The following CDH13 variants were observed in gnomAD, a reference collection of about 807,000 sequenced individuals.
The protein encoded by CDH13 is cadherin-13.
A neutral mutation model predicts 63.8 loss-of-function variants in CDH13; 24 were observed. That is an observed-to-expected ratio of 0.38 (90% CI 0.27 to 0.53). The LOEUF (loss-of-function observed/expected upper bound fraction) is 0.53. CDH13 is among the 20% of genes least tolerant of loss of function. CDH13 has a pLI of 0.85. For synonymous variants in CDH13, 503 were observed against 355.3 expected, an observed-to-expected ratio of 1.42 and a Z score of -4.67; for missense variants, 1,049 against 903.1, an observed-to-expected ratio of 1.16 and a Z score of -2.07.
intron 2 of CDH13, chr16:82,954,114 A>C (rs575462123): frequency 1.3e-5 from 2 of 152,338 alleles, no homozygotes; most frequent in East Asian, 3.9e-4. Context: ...ACCAGGATGC[A>C]CTGAATGGTA....
chr16:82,820,001 C>A (rs2037925186), intron 1 of CDH13, among the ~76,000 whole-genome samples: 1 of 152,090 alleles, frequency 6.6e-6, no homozygotes, highest in African/African-American at 2.4e-5. Context: ...GAGACAGCGG[C>A]AGCAGTAGAG....
chr16:82,927,594 T>A (rs1349243949), intron 2 of CDH13, among the ~76,000 whole-genome samples: 2 of 152,232 alleles, frequency 1.3e-5, no homozygotes, highest in Non-Finnish European at 2.9e-5. Flanking sequence ...GCTTACATTT[T>A]ACTTTTCGGC....
chr16:83,519,441 C>A (rs763686862), intron 7 of CDH13, among the ~76,000 whole-genome samples: 1 of 152,192 alleles, frequency 6.6e-6, no homozygotes, highest in Non-Finnish European at 1.5e-5. Flanking sequence ...GAAACAAATA[C>A]TTCAATGAAA....
chr16:83,476,637 C>T lies in CDH13; in HGVS notation c.782-9840C>T, dbSNP rs149956612. On this transcript the variant is annotated intron_variant, in intron 6 of 13. Coordinates refer to ENST00000567109, the MANE Select transcript of CDH13 (RefSeq NM_001257.5). ...GCTGTGAGCCCAGATTACGCCACTGCACTCCAGCCTGCACTCCAGTGACAA... is the reference window on the plus strand; with the variant it reads ...GCTGTGAGCCCAGATTACGCCACTGTACTCCAGCCTGCACTCCAGTGACAA... Among the ~76,000 whole-genome samples, 677 of 152,234 alleles carry T rather than the reference C, an allele frequency of 4.4e-3. 5 individuals carry two copies. Among genetic ancestry groups the T allele is most frequent in the African/African-American group, 0.016 (654 of 41,522 alleles).
intron 13 of CDH13, among the ~76,000 whole-genome samples, chr16:83,788,763 C>T (rs557750643): frequency 6.6e-6 from 1 of 152,202 alleles, no homozygotes; most frequent in Non-Finnish European, 1.5e-5. Flanking sequence ...CTAAGGGGAG[C>T]CATCCCATCT....
intron 5 of CDH13, among the ~76,000 whole-genome samples, chr16:83,226,324 A>G (rs956242555): frequency 6.6e-6 from 1 of 152,172 alleles, no homozygotes; most frequent in African/African-American, 2.4e-5. Flanking sequence ...CTGATTATTT[A>G]TTTGGTCCAC....
At chr16:83,553,078 C>CAAAAA (rs55928810) in intron 7 of CDH13, among the ~76,000 whole-genome samples, 5 of 134,306 alleles carry the variant, frequency 3.7e-5, no homozygotes, top group African/African-American at 1.1e-4. Context: ...GACTCCATCT[C>CAAAAA]AAAAAAAAAA....
intron 5 of CDH13, among the ~76,000 whole-genome samples, chr16:83,288,057 T>G (rs1229428026): frequency 6.6e-6 from 1 of 152,260 alleles, no homozygotes; most frequent in Non-Finnish European, 1.5e-5. Context: ...TGATGTATCC[T>G]GTCTGTATTT....
intron 7 of CDH13, among the ~76,000 whole-genome samples, chr16:83,500,926 A>T (rs1490890840): frequency 6.6e-6 from 1 of 152,088 alleles, no homozygotes; most frequent in East Asian, 1.9e-4. Flanking sequence ...GACCAAACAG[A>T]GGGAGTTGTG....
Position 83,570,730 on chromosome 16 carries a change from AT to A in CDH13, c.961-31720del, listed in dbSNP as rs993313394. 3.7e-4 allele frequency among the ~76,000 whole-genome samples: 54 copies of A among 144,458 alleles called. 1 individual carries two copies. The highest frequency in any genetic ancestry group is 5.9e-4 in the Non-Finnish European group (39 of 66,176). 94.8% of individuals were successfully genotyped at this position (144,458 alleles called of 152,430 possible). ...TATATATTTATATAAATTATTATAT[AT>A]TTTCTATATATTTTATAAAAATTAT... On this transcript the variant is annotated intron_variant, in intron 7 of 13. Transcript: ENST00000567109.
intron 5 of CDH13, among the ~76,000 whole-genome samples, chr16:83,264,825 T>A (rs948578688): frequency 1.3e-5 from 2 of 152,078 alleles, no homozygotes; most frequent in Middle Eastern, 3.2e-3. Flanking sequence ...TAATTTTCAC[T>A]TATAAACATT....
chr16:83,406,741 C>G (rs1409170848), intron 6 of CDH13, among the ~76,000 whole-genome samples: 1 of 152,192 alleles, frequency 6.6e-6, no homozygotes, highest in Admixed American at 6.5e-5. Context: ...GCTGGGATTA[C>G]AGGTGTGAGC....
At chr16:82,775,669 T>C (rs528678110) in intron 1 of CDH13, among the ~76,000 whole-genome samples, 2 of 152,186 alleles carry the variant, frequency 1.3e-5, no homozygotes, top group Admixed American at 6.5e-5. Context: ...GAGCAAAAAG[T>C]GAAACCCAGG....
chr16:83,348,272 G>C (rs1267317727), intron 6 of CDH13, among the ~76,000 whole-genome samples: 1 of 152,192 alleles, frequency 6.6e-6, no homozygotes, highest in African/African-American at 2.4e-5. Flanking sequence ...ACTCTTTGCA[G>C]GCCCAGCTGG....
chr16:83,763,420 A>T (rs961102635), intron 11 of CDH13, among the ~76,000 whole-genome samples: 7 of 152,062 alleles, frequency 4.6e-5, no homozygotes, highest in African/African-American at 1.7e-4. Flanking sequence ...TTTTTTTAAA[A>T]ATTGTTATTC....
intron 6 of CDH13, among the ~76,000 whole-genome samples, chr16:83,426,996 G>A (rs1489640846): frequency 4.6e-5 from 6 of 131,862 alleles, no homozygotes; most frequent in Admixed American, 1.8e-4. Flanking sequence ...GCGTGATCTC[G>A]GCTCACTGCA....
intron 1 of CDH13, among the ~76,000 whole-genome samples, 168 bp from the exon 2 acceptor site, chr16:82,858,194 G>A (rs1019761762): frequency 1.3e-5 from 2 of 152,180 alleles, no homozygotes; most frequent in African/African-American, 2.4e-5. Flanking sequence ...CCAAATCTCA[G>A]TGCCAAAAAG....
chr16:83,050,343 A>T (rs114320719), intron 3 of CDH13, among the ~76,000 whole-genome samples: 1 of 152,126 alleles, frequency 6.6e-6, no homozygotes, highest in African/African-American at 2.4e-5. Flanking sequence ...TGATAATTCT[A>T]TATTCAACTC....
chr16:83,102,605 A>ACATCACC (rs1325734475), intron 3 of CDH13, among the ~76,000 whole-genome samples: 5 of 152,124 alleles, frequency 3.3e-5, no homozygotes, highest in Admixed American at 2.0e-4. Flanking sequence ...CAGAGGAGGG[A>ACATCACC]CATCACCCAG....
Sources: gnomAD v4.1 joint callset for allele counts (sites outside exome capture counted in the v4.1 genomes callset) on GRCh38, gnomAD v4.1.1 for gene constraint, MANE v1.5 for transcripts, NCBI Gene and HGNC (gene_info 2026-07-23, HGNC 2026-07-21) for gene names.